CNKSR2: variants seen among roughly 807,000 people sequenced by gnomAD.
CNKSR2 encodes connector enhancer of kinase suppressor of Ras 2.
Under a neutral mutation model 84.4 loss-of-function variants are expected in CNKSR2, and 14 were observed. That is an observed-to-expected ratio of 0.17 (90% confidence interval 0.11 to 0.26). CNKSR2 has a LOEUF of 0.26. Among genes scored for constraint, CNKSR2 ranks in the 10% least tolerant of loss-of-function variants. The pLI is 1.00. For missense variants in CNKSR2, 485 were observed against 771.2 expected (o/e 0.63, Z 4.40); for synonymous variants, 275 against 277.9 (o/e 0.99, Z 0.10).
intron 17 of CNKSR2, among the ~76,000 whole-genome samples, chrX:21,596,576 G>A (rs1312957652): frequency 9.0e-6 from 1 of 110,650 alleles, no homozygotes; most frequent in Non-Finnish European, 1.9e-5. Flanking sequence ...CTGTATAGCT[G>A]CATAAATTTG....
At chrX:21,477,340 A>G (rs1306671618) in intron 5 of CNKSR2, among the ~76,000 whole-genome samples, 1 of 111,568 alleles carries the variant, frequency 9.0e-6, no homozygotes, top group Non-Finnish European at 1.9e-5. Flanking sequence ...TGTTAATATT[A>G]TCTTCTAGTT....
intron 17 of CNKSR2, among the ~76,000 whole-genome samples, chrX:21,599,302 T>C (rs1052291035): frequency 1.8e-5 from 2 of 110,234 alleles, no homozygotes; most frequent in Admixed American, 1.9e-4. Context: ...TCTTTACATT[T>C]CTGATAAGAT....
intron 1 of CNKSR2, among the ~76,000 whole-genome samples, chrX:21,409,306 G>GT (rs1200204116): frequency 1.1e-5 from 1 of 88,745 alleles, no homozygotes; most frequent in Admixed American, 1.3e-4. Flanking sequence ...CTTAGTCACA[G>GT]TATTAGTCAA....
At chrX:21,450,034 T>A (rs1199029021) in intron 4 of CNKSR2, among the ~76,000 whole-genome samples, 1 of 111,075 alleles carries the variant, frequency 9.0e-6, no homozygotes, top group Non-Finnish European at 1.9e-5. Context: ...GAATGTAACC[T>A]CTCTCTCCTC....
chrX:21,652,685 C>T lies in CNKSR2; in HGVS notation c.*164C>T, dbSNP rs899670929. On this transcript the variant is annotated 3_prime_UTR_variant, in exon 22 of 22. Transcript: ENST00000379510. The stretch of plus-strand genomic sequence containing the variant: ...TCACAATACCACTATCTTTAATGAG[C>T]ATTTGTATATTTTATATGCAACAGT... The T allele has an allele frequency of 9.4e-6, 4 of 424,581 alleles. No homozygotes were observed. The highest frequency in any genetic ancestry group is 7.5e-5 in the African/African-American group (3 of 40,228). 35.0% of individuals were successfully genotyped at this position (424,581 alleles called of 1,213,427 possible).
intron 1 of CNKSR2, among the ~76,000 whole-genome samples, chrX:21,415,459 G>T (rs1228566765): frequency 3.7e-5 from 4 of 109,378 alleles, no homozygotes; most frequent in Non-Finnish European, 7.6e-5. Context: ...GATTCTTTAG[G>T]TTTTTCTAAA....
chrX:21,483,934 A>T (rs1156973857), intron 5 of CNKSR2, among the ~76,000 whole-genome samples: 38 of 112,039 alleles, frequency 3.4e-4, no homozygotes, highest in Non-Finnish European at 3.8e-5. Context: ...GTCATCCTAC[A>T]TTGGCACAGA....
intron 13 of CNKSR2, among the ~76,000 whole-genome samples, chrX:21,570,540 G>A (rs2092276548): frequency 9.0e-6 from 1 of 111,527 alleles, no homozygotes; most frequent in African/African-American, 3.3e-5. Context: ...AGGCTGTTTC[G>A]TTTTCCTATC....
chrX:21,449,625 T>A (rs1055636795), intron 4 of CNKSR2, among the ~76,000 whole-genome samples: 1 of 111,050 alleles, frequency 9.0e-6, no homozygotes, highest in Admixed American at 9.7e-5. Context: ...TGGCTTTTAA[T>A]AATGCTCATA....
chrX:21,626,215 A>G (rs2092622510), intron 20 of CNKSR2, among the ~76,000 whole-genome samples: 1 of 105,662 alleles, frequency 9.5e-6, no homozygotes, highest in African/African-American at 3.5e-5. Context: ...CACCAGGAGA[A>G]AAAGAAAAGG....
At chrX:21,519,619 T>G (rs1390035982) in intron 9 of CNKSR2, among the ~76,000 whole-genome samples, 1 of 111,050 alleles carries the variant, frequency 9.0e-6, no homozygotes, top group African/African-American at 3.3e-5. Context: ...CTTGAAAAAA[T>G]GGAAATGAGG....
At chrX:21,555,445 A>G (rs1053993231) in intron 11 of CNKSR2, among the ~76,000 whole-genome samples, 1 of 111,512 alleles carries the variant, frequency 9.0e-6, no homozygotes, top group African/African-American at 3.3e-5. Flanking sequence ...GGATCCAGAT[A>G]TGTTACCATT....
At chrX:21,464,518 T>A (rs1387323726) in intron 4 of CNKSR2, among the ~76,000 whole-genome samples, 2 of 111,959 alleles carry the variant, frequency 1.8e-5, no homozygotes, top group African/African-American at 6.5e-5. Context: ...CCTCCACCCT[T>A]TCTAGAGATA....
intron 5 of CNKSR2, among the ~76,000 whole-genome samples, chrX:21,477,696 C>G (rs1883252044): frequency 9.0e-6 from 1 of 111,692 alleles, no homozygotes; most frequent in African/African-American, 3.3e-5. Context: ...TTTTCCCTGA[C>G]ATCTACATCA....
At chrX:21,509,889 AAG>A (rs577350320) in intron 8 of CNKSR2, among the ~76,000 whole-genome samples, 1 of 111,925 alleles carries the variant, frequency 8.9e-6, no homozygotes, top group South Asian at 3.7e-4. Context: ...TTCCCAAAGA[AAG>A]AGGTAGTCAT....
intron 21 of CNKSR2, among the ~76,000 whole-genome samples, chrX:21,651,480 C>G (rs1481798146): frequency 9.0e-6 from 1 of 111,543 alleles, no homozygotes; most frequent in East Asian, 2.8e-4. Context: ...GAGGCCAGAC[C>G]AACTTCTTAA....
At chrX:21,570,889 T>TGCA (rs1319115144) in intron 13 of CNKSR2, among the ~76,000 whole-genome samples, 13 of 112,415 alleles carry the variant, frequency 1.2e-4, no homozygotes, top group Non-Finnish European at 5.6e-5. Flanking sequence ...ACTTTGCTTC[T>TGCA]GCAGCTTCCT....
chrX:21,583,009 T>C (rs966552913), intron 13 of CNKSR2, among the ~76,000 whole-genome samples: 1 of 112,226 alleles, frequency 8.9e-6, no homozygotes, highest in Non-Finnish European at 1.9e-5. Flanking sequence ...CTCTAGATTC[T>C]TACCAATTAC....
intron 13 of CNKSR2, among the ~76,000 whole-genome samples, chrX:21,584,192 ATTC>A: frequency 8.9e-6 from 1 of 112,366 alleles, no homozygotes; most frequent in Non-Finnish European, 1.9e-5. Context: ...ATAAAAGGAA[ATTC>A]TTCTTATCTA....
Sources: gnomAD v4.1 joint callset for allele counts (sites outside exome capture counted in the v4.1 genomes callset) on GRCh38, gnomAD v4.1.1 for gene constraint, MANE v1.5 for transcripts, NCBI Gene and HGNC (gene_info 2026-07-23, HGNC 2026-07-21) for gene names.